The following CWF19L1 variants were observed in gnomAD, a reference collection of about 807,000 sequenced individuals.
The protein encoded by CWF19L1 is CWF19-like protein 1.
In CWF19L1, 60 loss-of-function variants were observed where a neutral mutation model predicts 69.7. That is an observed-to-expected ratio of 0.86 (90% CI 0.70 to 1.07). The LOEUF (loss-of-function observed/expected upper bound fraction) is 1.07, where lower values mean the gene tolerates loss of function less well. Ranked by LOEUF, CWF19L1 falls within the 50% of genes least tolerant of loss-of-function variation. CWF19L1 has a pLI of 0.00. For synonymous variants in CWF19L1, 209 were observed against 222.2 expected (o/e 0.94, Z 0.53); for missense variants, 591 against 638.9 (o/e 0.92, Z 0.81).
chr10:100,239,421 G>A (rs373443371), intron 10 of CWF19L1, among the ~76,000 whole-genome samples: 212 of 152,216 alleles, frequency 1.4e-3, no homozygotes, highest in African/African-American at 3.6e-3. Context: ...CAAATGGATC[G>A]CGAGGTCAGG....
intron 4 of CWF19L1, among the ~76,000 whole-genome samples, chr10:100,257,475 T>C (rs1401705655): frequency 5.3e-5 from 8 of 151,794 alleles, no homozygotes; most frequent in African/African-American, 1.9e-4. Flanking sequence ...AATTTTTCTA[T>C]TTTTAGTAGA....
At chr10:100,252,478 T>C (rs916702819) in intron 6 of CWF19L1, among the ~76,000 whole-genome samples, 1 of 151,400 alleles carries the variant, frequency 6.6e-6, no homozygotes, top group Non-Finnish European at 1.5e-5. Context: ...TGCTACTATG[T>C]ACCCCCAAAA....
chr10:100,262,391 C>G (rs1287662437), intron 1 of CWF19L1: 8 of 985,134 alleles, frequency 8.1e-6, no homozygotes, highest in South Asian at 4.7e-5. Context: ...TCCCATCAAT[C>G]CCTTTTTCCA....
intron 7 of CWF19L1, chr10:100,249,242 A>C: frequency 4.2e-6 from 1 of 236,990 alleles, no homozygotes; most frequent in Non-Finnish European, 8.3e-6. Context: ...CTCCCCCAAA[A>C]AAAGCTTGAA....
chr10:100,266,798 G>A (rs1225136346), intron 1 of CWF19L1, among the ~76,000 whole-genome samples: 1 of 151,876 alleles, frequency 6.6e-6, no homozygotes, highest in Non-Finnish European at 1.5e-5. Flanking sequence ...AGGATTACAG[G>A]CGTGAGCCAC....
At chr10:100,244,379 G>A (rs141968098) in intron 9 of CWF19L1, among the ~76,000 whole-genome samples, 4 of 152,166 alleles carry the variant, frequency 2.6e-5, no homozygotes, top group Non-Finnish European at 4.4e-5. Context: ...TTTTTGAGAC[G>A]GAGTCTCGCT....
At chr10:100,245,597 T>C (rs936662627) in intron 9 of CWF19L1, among the ~76,000 whole-genome samples, 4 of 152,274 alleles carry the variant, frequency 2.6e-5, no homozygotes, top group East Asian at 1.9e-4. Flanking sequence ...CCTTCATACA[T>C]TGCCAGTGGG....
chr10:100,258,182 G>A (rs181813307), intron 4 of CWF19L1, among the ~76,000 whole-genome samples: 1 of 152,284 alleles, frequency 6.6e-6, no homozygotes, highest in Admixed American at 6.5e-5. Flanking sequence ...AGGTTGCAGT[G>A]AGCCAAGACT....
At chr10:100,252,399 C>T (rs1030562635) in intron 6 of CWF19L1, among the ~76,000 whole-genome samples, 2 of 151,570 alleles carry the variant, frequency 1.3e-5, no homozygotes, top group South Asian at 2.1e-4. Context: ...CATGCCATTG[C>T]ACTCCAGCCT....
Position 100,246,898 on chromosome 10 carries a change from A to G in CWF19L1, c.746T>C (p.Met249Thr). The stretch of plus-strand genomic sequence containing the variant: ...CTGTTTTACCAGTTCTGCTGCATCC[A>G]TTAGCTTCATGGGAACAATACTGAA... Reference protein sequence around the residue: ...YAFSIVPMKLMDAAELVKQPP... With the variant: ...YAFSIVPMKLTDAAELVKQPP... Residue 249 changes from methionine (M) to threonine (T), a missense_variant, in exon 8 of 14, where the codon ATG becomes ACG. Met to Thr is a moderately conservative substitution (Grantham distance 81). This residue lies in a region of CWF19L1 where 458 missense variants were observed against 489.3 expected (regional missense o/e 0.94). Transcript: ENST00000354105. 2 of 1,613,808 alleles carry G rather than the reference A, an allele frequency of 1.2e-6. No individual in the cohort carries two copies. The highest frequency in any genetic ancestry group is 8.5e-7 in the Non-Finnish European group (1 of 1,179,756).
intron 6 of CWF19L1, 50 bp downstream of exon 6, chr10:100,253,371 G>T: frequency 1.8e-6 from 2 of 1,094,080 alleles, no homozygotes; most frequent in Non-Finnish European, 2.8e-6. Context: ...TTATACAGAA[G>T]ATCCATGGCA....
intron 9 of CWF19L1, 99 bp downstream of exon 9, chr10:100,245,700 C>A (rs1423917590): frequency 8.3e-6 from 7 of 839,710 alleles, no homozygotes; most frequent in East Asian, 2.5e-5. Flanking sequence ...ACAATTCTCC[C>A]CTGCCAGAAG....
chr10:100,236,975 G>A lies in CWF19L1; in HGVS notation c.1255-6C>T, dbSNP rs201550692. 1.7e-5 allele frequency: 27 copies of A among 1,569,078 alleles called. No individual in the cohort carries two copies. Among genetic ancestry groups the A allele is most frequent in the Non-Finnish European group, 2.1e-5 (24 of 1,159,102 alleles). ...CTGATTGGGACAGGAATGACCTGGG[G>A]GTTGGGGAGACAGGAGAAATTCCTT... is the stretch of plus-strand genomic sequence containing the variant. On this transcript the variant is annotated splice_polypyrimidine_tract_variant and splice_region_variant and intron_variant, in intron 11 of 13. Transcript: ENST00000354105.
chr10:100,233,307 T>A lies in CWF19L1; in HGVS notation c.1537A>T (p.Ile513Phe). The A allele has an allele frequency of 6.2e-7, 1 of 1,614,088 alleles. No individual in the cohort carries two copies. Among genetic ancestry groups the A allele is most frequent in the Non-Finnish European group, 8.5e-7 (1 of 1,179,996 alleles). ...AGGGTCTCCTCGTCTTCCTTGCTGA[T>A]CTGACACTGCCTCCAGTCAGACTTA... ...PDKSDWRQCQ[I>F]SKEDEETLAR... Residue 513 changes from isoleucine (I) to phenylalanine (F), a missense_variant, in exon 14 of 14, where the codon ATC becomes TTC. By Grantham distance (21) the Ile-to-Phe change is conservative. This residue lies in a region of CWF19L1 where 458 missense variants were observed against 489.3 expected (regional missense o/e 0.94). Coordinates refer to ENST00000354105, the MANE Select transcript of CWF19L1 (RefSeq NM_018294.6).
intron 8 of CWF19L1, 77 bp from the exon 9 acceptor site, chr10:100,245,990 G>A (rs1846808189): frequency 3.8e-6 from 4 of 1,039,940 alleles, no homozygotes; most frequent in Non-Finnish European, 6.0e-6. Context: ...CACATACAAG[G>A]GAACATTCCT....
At chr10:100,250,564 T>G (rs556770223) in intron 6 of CWF19L1, among the ~76,000 whole-genome samples, 3 of 152,284 alleles carry the variant, frequency 2.0e-5, no homozygotes, top group Admixed American at 2.0e-4. Flanking sequence ...CCATCAAAAC[T>G]CCAACTTTTG....
intron 7 of CWF19L1, among the ~76,000 whole-genome samples, chr10:100,247,251 T>C (rs560128511): frequency 1.5e-4 from 23 of 152,350 alleles, no homozygotes; most frequent in African/African-American, 5.3e-4. Flanking sequence ...ACTTGCTGTA[T>C]AACCCTTGAA....
chr10:100,244,344 A>T (rs187076656), intron 9 of CWF19L1, among the ~76,000 whole-genome samples: 5 of 152,336 alleles, frequency 3.3e-5, no homozygotes, highest in African/African-American at 1.2e-4. Flanking sequence ...AACAGCCTCG[A>T]AGTCAGGCCA....
chr10:100,259,068 G>C (rs1847307260), intron 4 of CWF19L1, among the ~76,000 whole-genome samples: 1 of 151,968 alleles, frequency 6.6e-6, no homozygotes, highest in South Asian at 2.1e-4. Context: ...GGGTATGGTA[G>C]TGCGTGCCTG....
Sources: gnomAD v4.1 joint callset for allele counts (sites outside exome capture counted in the v4.1 genomes callset) on GRCh38, gnomAD v4.1.1 for gene constraint, gnomAD v4.1.1 regional missense constraint, MANE v1.5 for transcripts, NCBI Gene and HGNC (gene_info 2026-07-23, HGNC 2026-07-21) for gene names.